The following TANC2 variants were observed in gnomAD, a reference collection of about 807,000 sequenced individuals.
TANC2 encodes tetratricopeptide repeat, ankyrin repeat and coiled-coil containing 2.
Under a neutral mutation model 210.5 loss-of-function variants are expected in TANC2, and 26 were observed. That is an observed-to-expected ratio of 0.12 (90% CI 0.09 to 0.17). The LOEUF is 0.17. Ranked by LOEUF, TANC2 falls within the 10% of genes least tolerant of loss-of-function variation. TANC2 has a pLI of 1.00. For missense variants in TANC2, 2,129 were observed against 2,608.9 expected (o/e 0.82, Z 4.01); for synonymous variants, 931 against 967.1 (o/e 0.96, Z 0.69).
intron 9 of TANC2, among the ~76,000 whole-genome samples, chr17:63,299,342 C>T (rs1015636779): frequency 6.6e-5 from 10 of 152,134 alleles, no homozygotes; most frequent in Non-Finnish European, 1.2e-4. Context: ...CTTGAGGAAT[C>T]GCCACACTGA....
At chr17:63,210,323 C>T (rs2041846388) in intron 7 of TANC2, among the ~76,000 whole-genome samples, 1 of 152,188 alleles carries the variant, frequency 6.6e-6, no homozygotes, top group Non-Finnish European at 1.5e-5. Flanking sequence ...ACATTCTTTT[C>T]ATCATGGACA....
chr17:63,258,062 C>T (rs939149916), intron 8 of TANC2, among the ~76,000 whole-genome samples: 1 of 152,152 alleles, frequency 6.6e-6, no homozygotes, highest in Admixed American at 6.5e-5. Context: ...AATCTCTTAG[C>T]TTTTGTTTGT....
At chr17:63,300,146 A>G (rs1162493725) in intron 9 of TANC2, among the ~76,000 whole-genome samples, 1 of 151,868 alleles carries the variant, frequency 6.6e-6, no homozygotes, top group East Asian at 1.9e-4. Context: ...GTCTGTATGT[A>G]TGTTTTGGTA....
intron 5 of TANC2, among the ~76,000 whole-genome samples, chr17:63,188,598 A>C (rs1373721711): frequency 6.6e-6 from 1 of 151,854 alleles, no homozygotes; most frequent in African/African-American, 2.4e-5. Context: ...AAAAAAAAAA[A>C]AAAAACTGGC....
intron 7 of TANC2, among the ~76,000 whole-genome samples, chr17:63,205,372 A>AAAAAAAAAAAAAAAC (rs1472135033): frequency 7.6e-6 from 1 of 131,810 alleles, no homozygotes; most frequent in African/African-American, 3.1e-5. Flanking sequence ...AAAAAAAAAA[A>AAAAAAAAAAAAAAAC]CCTCATACAC....
At chr17:63,011,302 A>G (rs2033864759) in intron 2 of TANC2, among the ~76,000 whole-genome samples, 1 of 152,062 alleles carries the variant, frequency 6.6e-6, no homozygotes, top group Non-Finnish European at 1.5e-5. Context: ...CTATTATCAG[A>G]AAATCTATTC....
chr17:63,165,857 A>G (rs1445528393), intron 5 of TANC2, among the ~76,000 whole-genome samples: 5 of 152,204 alleles, frequency 3.3e-5, no homozygotes, highest in African/African-American at 1.2e-4. Context: ...CATATTTTGT[A>G]TGTCAAACAT....
At chr17:63,098,490 T>A (rs1190389935) in intron 3 of TANC2, among the ~76,000 whole-genome samples, 63 of 100,472 alleles carry the variant, frequency 6.3e-4, no homozygotes, top group African/African-American at 3.4e-3. Context: ...ATACACTCTC[T>A]CTCTCTCTCT....
At chr17:63,167,191 C>G (rs956421000) in intron 5 of TANC2, among the ~76,000 whole-genome samples, 1 of 152,070 alleles carries the variant, frequency 6.6e-6, no homozygotes, top group Non-Finnish European at 1.5e-5. Flanking sequence ...GCTACTTAAC[C>G]TCCTCAGTCT....
chr17:63,250,244 TTA>T (rs2043020693), intron 8 of TANC2, among the ~76,000 whole-genome samples: 1 of 152,052 alleles, frequency 6.6e-6, no homozygotes, highest in South Asian at 2.1e-4. Context: ...TGATTATGTC[TTA>T]TACTTGTATC....
chr17:63,295,523 A>G (rs777049780), intron 9 of TANC2, among the ~76,000 whole-genome samples: 19 of 152,192 alleles, frequency 1.2e-4, no homozygotes, highest in Non-Finnish European at 2.2e-4. Context: ...GTCTATTTAG[A>G]AAGCAACGAA....
intron 9 of TANC2, among the ~76,000 whole-genome samples, chr17:63,271,957 G>A (rs771968938): frequency 2.0e-5 from 3 of 152,072 alleles, no homozygotes; most frequent in Non-Finnish European, 2.9e-5. Context: ...AGTTTAATTG[G>A]ATCCTGTTTG....
chr17:63,216,760 G>A (rs1166646246), intron 7 of TANC2, among the ~76,000 whole-genome samples: 1 of 152,144 alleles, frequency 6.6e-6, no homozygotes, highest in Non-Finnish European at 1.5e-5. Context: ...AAATATTTCA[G>A]TGGTCCACCC....
intron 14 of TANC2, among the ~76,000 whole-genome samples, chr17:63,361,952 G>A (rs1224487331): frequency 6.6e-6 from 1 of 152,238 alleles, no homozygotes; most frequent in African/African-American, 2.4e-5. Flanking sequence ...TGCACAGGCA[G>A]GTTGTCCCGA....
At position 63,006,964 on chromosome 17, in the gene TANC2, G is replaced by A. The variant is rs183924085; in HGVS notation, c.-23-2573G>A. On this transcript the variant is annotated intron_variant, in intron 1 of 27. Coordinates refer to ENST00000689528, the Ensembl canonical transcript of TANC2. ...ATCTTGGCTAGATGAGATGGCTCAC[G>A]CCTGTATTCTCAGCACTTTGGGAGG... Among the ~76,000 whole-genome samples the A allele has an allele frequency of 3.9e-5, 6 of 152,132 alleles. No individual in the cohort carries two copies. The East Asian group carries it at 5.8e-4, about 15-fold the overall frequency.
At chr17:63,224,180 T>C (rs374681964) in intron 7 of TANC2, among the ~76,000 whole-genome samples, 9 of 151,928 alleles carry the variant, frequency 5.9e-5, no homozygotes, top group African/African-American at 2.2e-4. Context: ...ACTAGAAACA[T>C]TGTCATCTGT....
At chr17:63,086,009 G>A (rs2036951112) in intron 3 of TANC2, among the ~76,000 whole-genome samples, 1 of 151,798 alleles carries the variant, frequency 6.6e-6, no homozygotes. Flanking sequence ...TGATTCTGCA[G>A]GGTATAGAAT....
At chr17:63,247,488 T>TA (rs139820900) in intron 8 of TANC2, among the ~76,000 whole-genome samples, 86,277 of 149,594 alleles carry the variant, frequency 0.58, 26,461 homozygotes, top group African/African-American at 0.79. Flanking sequence ...CTACTCATGT[T>TA]AAAAAAAAAA....
intron 5 of TANC2, among the ~76,000 whole-genome samples, chr17:63,181,496 T>C (rs1567792434): frequency 6.6e-6 from 1 of 152,156 alleles, no homozygotes; most frequent in East Asian, 1.9e-4. Flanking sequence ...CCTACTGAAA[T>C]GGAACATTTC....
Sources: allele counts gnomAD v4.1 joint callset (sites outside exome capture counted in the v4.1 genomes callset), GRCh38; gene constraint gnomAD v4.1.1; transcripts MANE v1.5; gene names NCBI Gene and HGNC (gene_info 2026-07-23, HGNC 2026-07-21).